Variants in CREB5 observed in about 807,000 individuals in gnomAD.
The protein encoded by CREB5 is cAMP responsive element binding protein 5, also known as cyclic AMP-responsive element-binding protein 5.
In CREB5, 19 loss-of-function variants were observed where a neutral mutation model predicts 57.1. The ratio of observed to expected loss-of-function variants is 0.33; its 90% confidence interval spans 0.23 to 0.49. CREB5 has a LOEUF of 0.49. Among genes scored for constraint, CREB5 ranks in the 20% least tolerant of loss-of-function variants. CREB5 has a pLI of 0.99. For missense variants in CREB5, 579 were observed against 671.6 expected (o/e 0.86, Z 1.52); for synonymous variants, 238 against 238.3 (o/e 1.00, Z 0.01).
chr7:28,514,796 G>A (rs1792875725), intron 4 of CREB5, among the ~76,000 whole-genome samples: 2 of 152,220 alleles, frequency 1.3e-5, no homozygotes, highest in Admixed American at 6.5e-5. Flanking sequence ...GGTTTTCAGA[G>A]GCTGGAGTCT....
chr7:28,399,203 G>C (rs528650655), intron 1 of CREB5, among the ~76,000 whole-genome samples: 1 of 151,838 alleles, frequency 6.6e-6, no homozygotes, highest in East Asian at 1.9e-4. Flanking sequence ...ATAACAAAAA[G>C]TTGACTATAT....
chr7:28,570,894 C>G (rs1049886692), intron 5 of CREB5, among the ~76,000 whole-genome samples: 2 of 152,048 alleles, frequency 1.3e-5, no homozygotes, highest in Non-Finnish European at 2.9e-5. Context: ...ACCAGCTCAG[C>G]CTTGTCTCCA....
At chr7:28,772,346 G>C (rs968794699) in intron 7 of CREB5, among the ~76,000 whole-genome samples, 7 of 152,198 alleles carry the variant, frequency 4.6e-5, no homozygotes, top group South Asian at 2.1e-4. Flanking sequence ...ACTGCTTGAG[G>C]CAACACTGGG....
chr7:28,472,200 T>C (rs962802199), intron 1 of CREB5, among the ~76,000 whole-genome samples: 3 of 151,870 alleles, frequency 2.0e-5, no homozygotes, highest in Non-Finnish European at 4.4e-5. Flanking sequence ...TTTGGTTATA[T>C]GGGATTGAAA....
upstream of CREB5, chr7:28,410,481 T>G (rs1346630127): frequency 4.4e-6 from 2 of 456,692 alleles, no homozygotes; most frequent in South Asian, 3.1e-5. Context: ...AGGAGATGTT[T>G]TCTCTCAGCA....
intron 1 of CREB5, among the ~76,000 whole-genome samples, chr7:28,450,915 G>A (rs1378952811): frequency 6.6e-6 from 1 of 152,174 alleles, no homozygotes; most frequent in East Asian, 1.9e-4. Flanking sequence ...GAAATGTGGT[G>A]AGTATCCACC....
intron 7 of CREB5, among the ~76,000 whole-genome samples, chr7:28,734,979 C>A (rs926019602): frequency 6.6e-6 from 1 of 152,156 alleles, no homozygotes. Flanking sequence ...AGTAATAGAG[C>A]AAATTGTCCT....
At chr7:28,696,025 C>T (rs1008032765) in intron 5 of CREB5, among the ~76,000 whole-genome samples, 2 of 152,210 alleles carry the variant, frequency 1.3e-5, no homozygotes, top group African/African-American at 4.8e-5. Flanking sequence ...AGCTGTTAGG[C>T]ACAAAGGACG....
At chr7:28,685,275 G>T (rs1800813147) in intron 5 of CREB5, among the ~76,000 whole-genome samples, 1 of 152,176 alleles carries the variant, frequency 6.6e-6, no homozygotes, top group Non-Finnish European at 1.5e-5. Flanking sequence ...TGTGTTTTGT[G>T]GCTGGGGTCT....
At position 28,642,965 on chromosome 7, in the gene CREB5, C is replaced by CACACACACAT. The variant is rs1562544598; in HGVS notation, c.464+72437_464+72438insTACACACACA. 6.6e-5 allele frequency among the ~76,000 whole-genome samples: 5 copies of CACACACACAT among 75,660 alleles called. No homozygotes were observed. The South Asian group carries it at 1.8e-3, about 27-fold the overall frequency. 49.6% of individuals were successfully genotyped at this position (75,660 alleles called of 152,430 possible). A position where few individuals can be genotyped will look rare whatever the true frequency, so the allele number is the denominator to read the frequency against. On this transcript the variant is annotated intron_variant, in intron 5 of 10. Coordinates refer to ENST00000357727, the MANE Select transcript of CREB5 (RefSeq NM_182898.4). ...GAGGGTAGATTTACACACACACACA[C>CACACACACAT]ACACACACACACACACACACATACA...
chr7:28,489,878 A>G (rs902365494), intron 2 of CREB5, among the ~76,000 whole-genome samples: 1 of 152,238 alleles, frequency 6.6e-6, no homozygotes, highest in Admixed American at 6.5e-5. Flanking sequence ...AAACAGAGTG[A>G]TAAGTAACTG....
chr7:28,593,908 T>C (rs1562517508), intron 5 of CREB5, among the ~76,000 whole-genome samples: 1 of 152,174 alleles, frequency 6.6e-6, no homozygotes, highest in Non-Finnish European at 1.5e-5. Flanking sequence ...AGAAACTTTA[T>C]TTGCAAACTT....
chr7:28,410,475 G>T (rs778561835), upstream of CREB5: 140 of 456,616 alleles, frequency 3.1e-4, no homozygotes, highest in Non-Finnish European at 5.7e-4. Context: ...GAACCAAGGA[G>T]ATGTTTTCTC....
At chr7:28,351,764 G>C (rs1285467146) in intron 1 of CREB5, among the ~76,000 whole-genome samples, 1 of 137,948 alleles carries the variant, frequency 7.2e-6, no homozygotes, top group African/African-American at 2.5e-5. Flanking sequence ...TATAATTATG[G>C]TTTAGAAAAA....
intron 5 of CREB5, among the ~76,000 whole-genome samples, chr7:28,609,807 C>T (rs562176269): frequency 6.6e-6 from 1 of 152,204 alleles, no homozygotes; most frequent in Non-Finnish European, 1.5e-5. Context: ...TGACAGGACT[C>T]TGGCACAAGT....
chr7:28,318,180 A>C (rs1348608263), intron 1 of CREB5, among the ~76,000 whole-genome samples: 1 of 152,208 alleles, frequency 6.6e-6, no homozygotes, highest in African/African-American at 2.4e-5. Flanking sequence ...AATCTACCAC[A>C]GCCTATGTTT....
At chr7:28,494,068 G>T (rs1791916166) in intron 2 of CREB5, among the ~76,000 whole-genome samples, 1 of 152,014 alleles carries the variant, frequency 6.6e-6, no homozygotes, top group African/African-American at 2.4e-5. Context: ...CCTATTTTTG[G>T]TTAATCCATA....
In CREB5 at chr7:28,763,506, T is replaced by G. The variant is rs1182331328; in HGVS notation, c.702+39174T>G. On this transcript the variant is annotated intron_variant, in intron 7 of 10. Transcript: ENST00000357727. The stretch of plus-strand genomic sequence containing the variant: ...TGAAGGTCCCCATGCAGTTAAATAC[T>G]TTACCCTAAACCTTCAATTAATTAT... 1.3e-5 allele frequency among the ~76,000 whole-genome samples: 2 copies of G among 152,214 alleles called. 1 individual carries two copies. Among genetic ancestry groups the G allele is most frequent in the East Asian group, 3.8e-4 (2 of 5,202 alleles).
chr7:28,328,490 G>A (rs146304521), intron 1 of CREB5, among the ~76,000 whole-genome samples: 82 of 152,276 alleles, frequency 5.4e-4, no homozygotes, highest in African/African-American at 1.9e-3. Context: ...GTATTTTTAA[G>A]GTGTGGCCAT....
Sources: allele counts gnomAD v4.1 joint callset (sites outside exome capture counted in the v4.1 genomes callset), GRCh38; gene constraint gnomAD v4.1.1; transcripts MANE v1.5; gene names NCBI Gene and HGNC (gene_info 2026-07-23, HGNC 2026-07-21).